The following HMGN5 variants were observed in gnomAD, a reference collection of about 807,000 sequenced individuals.
HMGN5 encodes the protein high mobility group nucleosome-binding domain-containing protein 5.
In HMGN5, 4 loss-of-function variants were observed where a neutral mutation model predicts 9.5. The ratio of observed to expected loss-of-function variants is 0.42; its 90% confidence interval spans 0.21 to 0.96. The LOEUF (loss-of-function observed/expected upper bound fraction) is 0.96. Among genes scored for constraint, HMGN5 ranks in the 40% least tolerant of loss-of-function variants. HMGN5 has a pLI of 0.30. For missense variants in HMGN5, 192 were observed against 187.5 expected (o/e 1.02, Z -0.14); for synonymous variants, 55 against 57.1 (o/e 0.96, Z 0.16).
chrX:81,118,647 C>T, intron 4 of HMGN5, 83 bp downstream of exon 4: 1 of 901,509 alleles, frequency 1.1e-6, no homozygotes, highest in Non-Finnish European at 1.6e-6. Context: ...AAAAATAAAT[C>T]GTGTATTGAA....
intron 2 of HMGN5, among the ~76,000 whole-genome samples, chrX:81,120,346 G>A (rs757056884): frequency 1.8e-5 from 2 of 111,016 alleles, no homozygotes; most frequent in South Asian, 7.7e-4. Context: ...TAAGAAACTG[G>A]CCGCCGATTT....
At chrX:81,134,773 T>C (rs917105938) in intron 1 of HMGN5, among the ~76,000 whole-genome samples, 38 of 111,994 alleles carry the variant, frequency 3.4e-4, no homozygotes, top group African/African-American at 1.0e-3. Flanking sequence ...GGGCGAGACT[T>C]GTGGATCAAT....
intron 1 of HMGN5, among the ~76,000 whole-genome samples, chrX:81,143,115 CA>C (rs900984879): frequency 9.3e-5 from 10 of 107,989 alleles, no homozygotes; most frequent in African/African-American, 3.4e-4. Context: ...TAACTTCAAA[CA>C]AAAAAATACA....
chrX:81,142,847 G>A lies in HMGN5; in HGVS notation c.-123-21175C>T, dbSNP rs781173027. On this transcript the variant is annotated intron_variant, in intron 1 of 6. Coordinates refer to ENST00000358130, the MANE Select transcript of HMGN5 (RefSeq NM_030763.3). ...CACAATATTATAACACCATAACTGT[G>A]GTGTGTATACTACTCTTGCTAAATA... Among the ~76,000 whole-genome samples, 9 of 111,145 alleles carry A rather than the reference G, an allele frequency of 8.1e-5. No individual in the cohort carries two copies. In the South Asian group the frequency reaches 3.4e-3, roughly 42 times the overall value.
At chrX:81,142,558 G>GA (rs763908733) in intron 1 of HMGN5, among the ~76,000 whole-genome samples, 30 of 111,520 alleles carry the variant, frequency 2.7e-4, no homozygotes, top group Non-Finnish European at 4.5e-4. Flanking sequence ...TGCCAGGAGA[G>GA]ATTGACATGA....
At chrX:81,141,666 G>A (rs1440387933) in intron 1 of HMGN5, among the ~76,000 whole-genome samples, 1 of 111,749 alleles carries the variant, frequency 8.9e-6, no homozygotes, top group Non-Finnish European at 1.9e-5. Flanking sequence ...TCCCAAAACA[G>A]ATACAGCTTG....
chrX:81,161,284 T>A lies in HMGN5; in HGVS notation c.-123-39612A>T, dbSNP rs1003144772. Reference sequence around the variant, plus strand: ...ATCAGTGATATGGAAAAACCACAGGTAGGAGTTCTGGCCCAACTAATGGCT... The same window carrying A: ...ATCAGTGATATGGAAAAACCACAGGAAGGAGTTCTGGCCCAACTAATGGCT... On this transcript the variant is annotated intron_variant, in intron 1 of 6. Coordinates refer to ENST00000358130, the MANE Select transcript of HMGN5 (RefSeq NM_030763.3). 8.3e-4 allele frequency among the ~76,000 whole-genome samples: 92 copies of A among 110,952 alleles called. 2 individuals carry two copies. Among genetic ancestry groups the A allele is most frequent in the African/African-American group, 2.9e-3 (86 of 30,144 alleles).
intron 1 of HMGN5, among the ~76,000 whole-genome samples, chrX:81,128,422 A>G (rs2075290422): frequency 9.0e-6 from 1 of 111,362 alleles, no homozygotes. Context: ...CCTAAGTGGA[A>G]ATAAGATAAT....
intron 1 of HMGN5, among the ~76,000 whole-genome samples, chrX:81,136,565 C>G (rs957731373): frequency 1.8e-5 from 2 of 111,152 alleles, no homozygotes; most frequent in Admixed American, 9.6e-5. Flanking sequence ...AACAAAAACA[C>G]TATAAATGAC....
chrX:81,183,780 T>C (rs1471419413), intron 1 of HMGN5, among the ~76,000 whole-genome samples: 1 of 112,829 alleles, frequency 8.9e-6, no homozygotes, highest in African/African-American at 3.2e-5. Flanking sequence ...TAAGATGTAA[T>C]AAATTTCTTT....
chrX:81,181,057 G>A lies in HMGN5; in HGVS notation c.-124+20680C>T, dbSNP rs1332870720. On this transcript the variant is annotated intron_variant, in intron 1 of 6. Coordinates refer to ENST00000358130, the MANE Select transcript of HMGN5 (RefSeq NM_030763.3). ...CACACAGGGGCCTGTCAGGGGTGGG[G>A]CCTGGGGGAGGGATAGCATTAGGAG... 5.4e-5 allele frequency among the ~76,000 whole-genome samples: 6 copies of A among 110,374 alleles called. No individual in the cohort carries two copies. The South Asian group carries it at 2.4e-3, about 44-fold the overall frequency.
chrX:81,158,533 T>C (rs188462770), intron 1 of HMGN5, among the ~76,000 whole-genome samples: 13 of 112,365 alleles, frequency 1.2e-4, no homozygotes, highest in African/African-American at 3.2e-4. Context: ...ATTGTAAATT[T>C]GTTTAAGTTG....
At chrX:81,186,149 C>T (rs2147647794) in intron 1 of HMGN5, among the ~76,000 whole-genome samples, 1 of 111,756 alleles carries the variant, frequency 8.9e-6, no homozygotes, top group African/African-American at 3.2e-5. Context: ...AAAGTGTCCC[C>T]TCTTCTTCTA....
chrX:81,116,433 A>C, intron 5 of HMGN5, 92 bp from the exon 6 acceptor site: 8 of 579,885 alleles, frequency 1.4e-5, no homozygotes, highest in Non-Finnish European at 1.8e-5. Flanking sequence ...CTGTTGTAAT[A>C]ATTTATGCAA....
At chrX:81,198,462 G>A (rs751892779) in intron 1 of HMGN5, among the ~76,000 whole-genome samples, 2 of 110,881 alleles carry the variant, frequency 1.8e-5, no homozygotes, top group Non-Finnish European at 3.8e-5. Flanking sequence ...GATGAACATC[G>A]ATGTGAAAAT....
intron 1 of HMGN5, among the ~76,000 whole-genome samples, chrX:81,139,513 A>C (rs1286109315): frequency 1.8e-5 from 2 of 111,376 alleles, no homozygotes; most frequent in East Asian, 5.6e-4. Context: ...AAAAAAAAAA[A>C]CATCTTCATA....
intron 1 of HMGN5, among the ~76,000 whole-genome samples, chrX:81,196,892 C>G (rs1001073112): frequency 4.5e-5 from 5 of 111,317 alleles, no homozygotes; most frequent in African/African-American, 1.6e-4. Flanking sequence ...CCTCTTCTGT[C>G]TCCTGCTGCC....
chrX:81,145,425 A>G (rs948911961), intron 1 of HMGN5, among the ~76,000 whole-genome samples: 3 of 111,959 alleles, frequency 2.7e-5, no homozygotes, highest in African/African-American at 6.5e-5. Flanking sequence ...GTGAAAGAGA[A>G]ATAAAATCCT....
intron 1 of HMGN5, among the ~76,000 whole-genome samples, chrX:81,167,453 T>TACACAC (rs371953666): frequency 1.8e-3 from 185 of 102,919 alleles, no homozygotes; most frequent in African/African-American, 4.3e-3. Flanking sequence ...CATATTTGTG[T>TACACAC]ACACACACAC....
Sources: allele counts gnomAD v4.1 joint callset (sites outside exome capture counted in the v4.1 genomes callset), GRCh38; gene constraint gnomAD v4.1.1; transcripts MANE v1.5; gene names NCBI Gene and HGNC (gene_info 2026-07-23, HGNC 2026-07-21).